The following MRGPRX3 variants were observed in gnomAD, a reference collection of about 807,000 sequenced individuals.
MRGPRX3 encodes the protein mas-related G protein-coupled receptor member X3.
Under a neutral mutation model 16.5 loss-of-function variants are expected in MRGPRX3, and 14 were observed. The ratio of observed to expected loss-of-function variants is 0.85; its 90% CI spans 0.56 to 1.33. The LOEUF is 1.33. MRGPRX3 is among the 40% of genes most tolerant of loss of function. MRGPRX3 has a pLI of 0.00. For missense variants in MRGPRX3, 449 were observed against 413.0 expected, an observed-to-expected ratio of 1.09 and a Z score of -0.76; for synonymous variants, 199 against 180.1, an observed-to-expected ratio of 1.10 and a Z score of -0.84.
intron 1 of MRGPRX3, among the ~76,000 whole-genome samples, chr11:18,136,291 G>A (rs1243538688): frequency 6.6e-6 from 1 of 152,166 alleles, no homozygotes; most frequent in Non-Finnish European, 1.5e-5. Flanking sequence ...CTGTTGCTGA[G>A]CAATTCAGCT....
At chr11:18,136,808 T>C (rs193175101) in intron 1 of MRGPRX3, among the ~76,000 whole-genome samples, 76 of 152,330 alleles carry the variant, frequency 5.0e-4, no homozygotes, top group African/African-American at 1.8e-3. Context: ...TGACCAGTCC[T>C]GGTCATGAGG....
chr11:18,132,537 C>T (rs984234477), upstream of MRGPRX3: 7 of 152,166 alleles, frequency 4.6e-5, no homozygotes, highest in African/African-American at 1.7e-4. Flanking sequence ...CTGATTTGCC[C>T]ATAGTCCTCA....
upstream of MRGPRX3, among the ~76,000 whole-genome samples, chr11:18,128,660 T>C (rs949505787): frequency 1.3e-5 from 2 of 152,196 alleles, no homozygotes; most frequent in African/African-American, 4.8e-5. Context: ...GACCCGATTT[T>C]CCAGGTGCCG....
At chr11:18,125,152 T>C (rs182713593) in intron 1 of MRGPRX3, among the ~76,000 whole-genome samples, 4 of 152,210 alleles carry the variant, frequency 2.6e-5, no homozygotes, top group Admixed American at 1.3e-4. Flanking sequence ...CCTGGATTCA[T>C]TGATTTTTTG....
At chr11:18,134,442 C>T (rs1477773529) in intron 1 of MRGPRX3, among the ~76,000 whole-genome samples, 1 of 152,170 alleles carries the variant, frequency 6.6e-6, no homozygotes, top group Non-Finnish European at 1.5e-5. Flanking sequence ...ACTTATATAG[C>T]ATTTGCATTT....
intron 1 of MRGPRX3, 82 bp from the exon 2 acceptor site, chr11:18,137,096 G>A: frequency 7.3e-6 from 10 of 1,373,286 alleles, no homozygotes; most frequent in Non-Finnish European, 1.0e-5. Context: ...CTTTAAATGA[G>A]GACAGTAAAT....
intron 1 of MRGPRX3, among the ~76,000 whole-genome samples, chr11:18,133,720 G>C (rs1172194794): frequency 6.6e-6 from 1 of 152,160 alleles, no homozygotes; most frequent in Non-Finnish European, 1.5e-5. Flanking sequence ...AGTCTGTAGA[G>C]CTATTAGCCA....
upstream of MRGPRX3, among the ~76,000 whole-genome samples, chr11:18,128,287 C>A (rs957773899): frequency 6.6e-6 from 1 of 152,182 alleles, no homozygotes; most frequent in African/African-American, 2.4e-5. Flanking sequence ...CTGGGAGAAC[C>A]ACTACTCTCT....
intron 1 of MRGPRX3, among the ~76,000 whole-genome samples, chr11:18,122,518 C>A (rs577451569): frequency 6.6e-6 from 1 of 152,294 alleles, no homozygotes; most frequent in Admixed American, 6.5e-5. Flanking sequence ...GACATGAACT[C>A]ATCAATTTTT....
At chr11:18,122,116 T>G (rs951911603) in intron 1 of MRGPRX3, among the ~76,000 whole-genome samples, 7 of 101,214 alleles carry the variant, frequency 6.9e-5, no homozygotes, top group Admixed American at 5.3e-4. Flanking sequence ...AAAACTGCAT[T>G]GCTTGCATGC....
At chr11:18,121,648 T>C (rs1848838055) in intron 1 of MRGPRX3, among the ~76,000 whole-genome samples, 1 of 152,264 alleles carries the variant, frequency 6.6e-6, no homozygotes, top group African/African-American at 2.4e-5. Flanking sequence ...CATTTTGTTC[T>C]GTACAAAGAA....
At chr11:18,128,800 G>A (rs538832022), upstream of MRGPRX3, among the ~76,000 whole-genome samples, 3 of 151,312 alleles carry the variant, frequency 2.0e-5, no homozygotes, top group African/African-American at 7.2e-5. Flanking sequence ...CCCACTGTCC[G>A]ACAATCCCCA....
At position 18,137,395 on chromosome 11, in the gene MRGPRX3, A is replaced by G; in HGVS notation, c.193A>G (p.Ile65Val). ...GCGCAGGAACGCTGTCTCCATCTACATCCTCAACCTGGTCGCGGCCGACTT... is the reference window on the plus strand; with the variant it reads ...GCGCAGGAACGCTGTCTCCATCTACGTCCTCAACCTGGTCGCGGCCGACTT... Reference protein sequence around the residue: ...RMRRNAVSIYILNLVAADFLF... With the variant: ...RMRRNAVSIYVLNLVAADFLF... The change falls in exon 2 of 2, where the codon ATC becomes GTC. Residue 65 changes from isoleucine (I) to valine (V), a missense_variant. Transcript: ENST00000621697. 1 of 1,614,120 alleles carries G rather than the reference A, an allele frequency of 6.2e-7. No homozygotes were observed. The highest frequency in any genetic ancestry group is 8.5e-7 in the Non-Finnish European group (1 of 1,180,012).
upstream of MRGPRX3, among the ~76,000 whole-genome samples, chr11:18,129,607 T>A (rs974803699): frequency 3.3e-5 from 5 of 152,152 alleles, no homozygotes; most frequent in African/African-American, 1.2e-4. Flanking sequence ...CTATCAGATA[T>A]TCAAAGAAAA....
At chr11:18,132,047 T>A (rs1274938505), upstream of MRGPRX3, among the ~76,000 whole-genome samples, 1 of 152,106 alleles carries the variant, frequency 6.6e-6, no homozygotes, top group East Asian at 1.9e-4. Context: ...TTCCCCAAAA[T>A]CCCAATGAAA....
chr11:18,136,230 T>C (rs1347484188), intron 1 of MRGPRX3, among the ~76,000 whole-genome samples: 2 of 152,182 alleles, frequency 1.3e-5, no homozygotes, highest in African/African-American at 4.8e-5. Context: ...ACACTTCAAT[T>C]ACCTGCTGCA....
intron 1 of MRGPRX3, among the ~76,000 whole-genome samples, chr11:18,122,599 G>A (rs572954105): frequency 2.0e-4 from 30 of 152,214 alleles, no homozygotes; most frequent in African/African-American, 7.0e-4. Context: ...TTGGATCTTT[G>A]GGTTGGTTCC....
chr11:18,130,257 T>TTGTATACATC (rs1848948054), upstream of MRGPRX3, among the ~76,000 whole-genome samples: 1 of 152,128 alleles, frequency 6.6e-6, no homozygotes, highest in Admixed American at 6.6e-5. Context: ...TCACTGATGA[T>TTGTATACATC]ATGATTGTAT....
At chr11:18,128,719 C>T (rs1259283818), upstream of MRGPRX3, among the ~76,000 whole-genome samples, 5 of 152,242 alleles carry the variant, frequency 3.3e-5, no homozygotes, top group Admixed American at 2.0e-4. Flanking sequence ...TGACCCCTTG[C>T]ACTTCCCGGG....
Sources: gnomAD v4.1 joint callset for allele counts (sites outside exome capture counted in the v4.1 genomes callset) on GRCh38, gnomAD v4.1.1 for gene constraint, MANE v1.5 for transcripts, NCBI Gene and HGNC (gene_info 2026-07-23, HGNC 2026-07-21) for gene names.